Variants in TJP1 observed in about 807,000 individuals in gnomAD.
TJP1 encodes the protein tight junction protein 1, also known as tight junction protein ZO-1.
In TJP1, 43 loss-of-function variants were observed where a neutral mutation model predicts 194.2. The ratio of observed to expected loss-of-function variants is 0.22; its 90% CI spans 0.17 to 0.29. The LOEUF is 0.29. Ranked by LOEUF, TJP1 falls within the 10% of genes least tolerant of loss-of-function variation. TJP1 has a pLI of 1.00. For synonymous variants in TJP1, 801 were observed against 779.0 expected (o/e 1.03, Z -0.47); for missense variants, 1,971 against 2,185.7 (o/e 0.90, Z 1.96).
At chr15:29,862,935 A>G (rs539999545) in intron 2 of TJP1, among the ~76,000 whole-genome samples, 1 of 146,592 alleles carries the variant, frequency 6.8e-6, no homozygotes, top group African/African-American at 2.5e-5. Flanking sequence ...GGCGTGAGCC[A>G]CCGTGCCCAG....
chr15:29,715,757 C>G (rs2042525578), intron 23 of TJP1, among the ~76,000 whole-genome samples: 1 of 152,164 alleles, frequency 6.6e-6, no homozygotes, highest in Admixed American at 6.5e-5. Context: ...TAGGCCTTCC[C>G]TGATCTCACA....
intron 2 of TJP1, among the ~76,000 whole-genome samples, chr15:29,915,321 A>ATT (rs11436358): frequency 4.6e-5 from 7 of 151,694 alleles, no homozygotes; most frequent in African/African-American, 9.7e-5. Flanking sequence ...TATATGGATC[A>ATT]TTTTTTTTGA....
In TJP1 at chr15:29,716,704, T is replaced by C. The variant is rs1237773425; in HGVS notation, c.4109A>G (p.Lys1370Arg). Reference protein sequence around the residue: ...SYFDRRSFENKPPAHIAASHL... With the variant: ...SYFDRRSFENRPPAHIAASHL... ...GCTGGCGGCAATGTGTGCAGGAGGC[T>C]TATTCTCAAAACTTCTTCGGTCAAA... The change falls in exon 23 of 28, where the codon AAG (lysine) becomes AGG (arginine). Residue 1370 changes from lysine to arginine, a missense_variant. Coordinates refer to ENST00000614355, the MANE Select transcript of TJP1 (RefSeq NM_001330239.4). 6.2e-7 allele frequency: 1 copy of C among 1,614,152 alleles called. No individual in the cohort carries two copies. Among genetic ancestry groups the C allele is most frequent in the Non-Finnish European group, 8.5e-7 (1 of 1,180,030 alleles).
intron 18 of TJP1, among the ~76,000 whole-genome samples, chr15:29,723,442 T>A (rs1023300480): frequency 2.0e-5 from 3 of 152,188 alleles, no homozygotes; most frequent in Non-Finnish European, 4.4e-5. Flanking sequence ...TTTTTCCCCT[T>A]CACTGTCTTA....
At chr15:29,707,729 G>A (rs926195073) in intron 25 of TJP1, among the ~76,000 whole-genome samples, 2 of 152,194 alleles carry the variant, frequency 1.3e-5, no homozygotes, top group Non-Finnish European at 2.9e-5. Context: ...CATTTGCTCA[G>A]CCATCTCACT....
intron 15 of TJP1, chr15:29,728,225 T>C: frequency 2.2e-6 from 1 of 447,482 alleles, no homozygotes; most frequent in East Asian, 3.5e-5. Flanking sequence ...TTTAATATTC[T>C]GGAAAAAAAC....
intron 25 of TJP1, among the ~76,000 whole-genome samples, chr15:29,708,358 C>T (rs1001774700): frequency 6.6e-6 from 1 of 152,160 alleles, no homozygotes; most frequent in African/African-American, 2.4e-5. Context: ...CAACCATACA[C>T]GACTGTTAGC....
At chr15:29,951,489 G>T (rs1420293507) in intron 2 of TJP1, among the ~76,000 whole-genome samples, 4 of 151,928 alleles carry the variant, frequency 2.6e-5, no homozygotes, top group African/African-American at 4.8e-5. Context: ...TATATCAGGA[G>T]AAAGAAGTGT....
intron 1 of TJP1, chr15:29,968,495 T>A: frequency 1.1e-6 from 1 of 895,206 alleles, no homozygotes; most frequent in Non-Finnish European, 1.3e-6. Flanking sequence ...GGCCCTGGGC[T>A]CGGCCTTGGC....
intron 3 of TJP1, among the ~76,000 whole-genome samples, chr15:29,772,390 A>AT (rs2046748486): frequency 2.6e-5 from 4 of 152,222 alleles, no homozygotes; most frequent in Admixed American, 1.3e-4. Flanking sequence ...TTTTTAAGTC[A>AT]TTAACAAAGT....
At chr15:29,871,664 T>C (rs570026640) in intron 2 of TJP1, among the ~76,000 whole-genome samples, 58 of 152,308 alleles carry the variant, frequency 3.8e-4, no homozygotes, top group Admixed American at 8.5e-4. Flanking sequence ...GAAAAAGCCG[T>C]CTTGGGCATA....
intron 4 of TJP1, among the ~76,000 whole-genome samples, chr15:29,770,299 C>A (rs368951203): frequency 6.6e-6 from 1 of 151,718 alleles, no homozygotes; most frequent in Non-Finnish European, 1.5e-5. Flanking sequence ...ATACAAAATA[C>A]GGGCTTGGTA....
In TJP1 at chr15:29,766,502, C is replaced by T. The variant is rs148793257; in HGVS notation, c.353G>A (p.Arg118His). The change falls in exon 5 of 28, where the codon CGT becomes CAT. Residue 118 changes from arginine to histidine, a missense_variant. Physicochemically the swap from Arg to His is conservative, Grantham distance 29 (BLOSUM62 0). Around this residue, in one of 5 missense-constraint regions of TJP1, gnomAD observed 245 missense variants for 336.6 expected, o/e 0.73. Transcript: ENST00000614355. ...ATCAGATACTGGTTCAGGATCAGGA[C>T]GACTTACTGGTATTTGAACTTTCTT... ...RKKKVQIPVS[R>H]PDPEPVSDNE... 5.6e-6 allele frequency: 9 copies of T among 1,596,700 alleles called. No homozygotes were observed. The highest frequency in any genetic ancestry group is 2.3e-5 in the South Asian group (2 of 87,954).
At chr15:29,702,729 C>T (rs1292712385) in intron 27 of TJP1, among the ~76,000 whole-genome samples, 2 of 152,112 alleles carry the variant, frequency 1.3e-5, no homozygotes, top group African/African-American at 4.8e-5. Flanking sequence ...TTCATTTTTC[C>T]AGAAAATGGG....
At chr15:29,807,085 T>C (rs2049159863) in intron 1 of TJP1, among the ~76,000 whole-genome samples, 1 of 152,208 alleles carries the variant, frequency 6.6e-6, no homozygotes, top group Admixed American at 6.5e-5. Flanking sequence ...CCCCACTGTA[T>C]TCAACACTGG....
intron 11 of TJP1, 106 bp from the exon 12 acceptor site, chr15:29,734,488 C>CA: frequency 1.8e-6 from 1 of 557,678 alleles, no homozygotes; most frequent in Non-Finnish European, 2.9e-6. Flanking sequence ...AATATCACAT[C>CA]TTTTTTTTTT....
intron 2 of TJP1, among the ~76,000 whole-genome samples, chr15:29,913,167 G>A (rs1596245247): frequency 6.6e-6 from 1 of 151,492 alleles, no homozygotes; most frequent in East Asian, 2.0e-4. Flanking sequence ...GCAGTAGATA[G>A]TTCATGAAAG....
chr15:29,724,351 C>T (rs1335097619), intron 18 of TJP1, among the ~76,000 whole-genome samples: 1 of 152,192 alleles, frequency 6.6e-6, no homozygotes, highest in East Asian at 1.9e-4. Flanking sequence ...TCGGTAACAG[C>T]TGTTGCAGAA....
At chr15:29,798,676 T>C (rs2048576715) in intron 2 of TJP1, among the ~76,000 whole-genome samples, 2 of 152,098 alleles carry the variant, frequency 1.3e-5, no homozygotes, top group African/African-American at 2.4e-5. Context: ...TCCTAAGTAT[T>C]TACCCAAAAG....
Sources: allele counts gnomAD v4.1 joint callset (sites outside exome capture counted in the v4.1 genomes callset), GRCh38; gene constraint gnomAD v4.1.1; regional missense constraint gnomAD v4.1.1; transcripts MANE v1.5; gene names NCBI Gene and HGNC (gene_info 2026-07-23, HGNC 2026-07-21).